Variants in SPOCK1 observed in about 807,000 individuals in gnomAD.
The protein encoded by SPOCK1 is testican-1.
Under a neutral mutation model 55.3 loss-of-function variants are expected in SPOCK1, and 23 were observed. The observed-to-expected ratio is 0.42, with a 90% CI of 0.30 to 0.59. The LOEUF (loss-of-function observed/expected upper bound fraction) is 0.59. Among genes scored for constraint, SPOCK1 ranks in the 20% least tolerant of loss-of-function variants. SPOCK1 has a pLI of 0.22. For missense variants in SPOCK1, 499 were observed against 552.5 expected (o/e 0.90, Z 0.97); for synonymous variants, 226 against 221.0 (o/e 1.02, Z -0.20).
intron 3 of SPOCK1, among the ~76,000 whole-genome samples, chr5:137,182,041 C>T (rs938481422): frequency 1.3e-5 from 2 of 152,180 alleles, no homozygotes; most frequent in African/African-American, 4.8e-5. Context: ...AGCAGATCCC[C>T]AGGTTGATCA....
At chr5:137,195,592 C>G (rs116277329) in intron 3 of SPOCK1, among the ~76,000 whole-genome samples, 126 of 152,310 alleles carry the variant, frequency 8.3e-4, no homozygotes, top group African/African-American at 2.9e-3. Context: ...TATTTGGCCA[C>G]AGGCTACAGT....
intron 4 of SPOCK1, among the ~76,000 whole-genome samples, chr5:137,129,542 T>C (rs1015272189): frequency 6.6e-6 from 1 of 151,966 alleles, no homozygotes; most frequent in African/African-American, 2.4e-5. Flanking sequence ...GTGCCACTGA[T>C]TGGTGGGGGA....
At chr5:137,351,492 G>A (rs899618045) in intron 2 of SPOCK1, among the ~76,000 whole-genome samples, 1 of 152,142 alleles carries the variant, frequency 6.6e-6, no homozygotes, top group African/African-American at 2.4e-5. Flanking sequence ...GACAAGGAGG[G>A]GAATGGAAGG....
At chr5:137,217,539 T>C (rs1368151712) in intron 3 of SPOCK1, among the ~76,000 whole-genome samples, 1 of 152,230 alleles carries the variant, frequency 6.6e-6, no homozygotes, top group Non-Finnish European at 1.5e-5. Flanking sequence ...TCTTCAGGGA[T>C]GGGATGTAAC....
At chr5:137,405,095 G>A (rs772227059) in intron 2 of SPOCK1, among the ~76,000 whole-genome samples, 13 of 152,190 alleles carry the variant, frequency 8.5e-5, no homozygotes, top group Non-Finnish European at 1.3e-4. Context: ...GTCACCTATA[G>A]CGCCAGAAAA....
intron 3 of SPOCK1, among the ~76,000 whole-genome samples, chr5:137,216,047 G>A (rs979666): frequency 0.17 from 25,982 of 152,132 alleles, 2,863 homozygotes; most frequent in Admixed American, 0.24. Context: ...TCCAATGAAA[G>A]GATGGCTCAT....
At chr5:137,374,619 CCAGGGAGTGCTAGGG>C (rs1272988510) in intron 2 of SPOCK1, among the ~76,000 whole-genome samples, 1 of 152,044 alleles carries the variant, frequency 6.6e-6, no homozygotes, top group Non-Finnish European at 1.5e-5. Context: ...TGATGGTGCC[CCAGGGAGTGCTAGGG>C]CTCTGCAGAA....
At chr5:137,375,451 C>G (rs1163002924) in intron 2 of SPOCK1, among the ~76,000 whole-genome samples, 1 of 152,068 alleles carries the variant, frequency 6.6e-6, no homozygotes, top group African/African-American at 2.4e-5. Flanking sequence ...CACTAGAGGG[C>G]CTTTGGAAGT....
chr5:137,248,320 T>A (rs1756438133), intron 3 of SPOCK1, among the ~76,000 whole-genome samples: 1 of 152,206 alleles, frequency 6.6e-6, no homozygotes, highest in African/African-American at 2.4e-5. Context: ...ATGTATCAAA[T>A]TCATTCATTG....
intron 2 of SPOCK1, among the ~76,000 whole-genome samples, chr5:137,337,855 A>G (rs1460548928): frequency 6.6e-6 from 1 of 152,160 alleles, no homozygotes; most frequent in Non-Finnish European, 1.5e-5. Flanking sequence ...TGTCCACAGG[A>G]GTGGGAGAGT....
At chr5:137,069,267 C>T (rs1390187185) in intron 5 of SPOCK1, among the ~76,000 whole-genome samples, 2 of 152,182 alleles carry the variant, frequency 1.3e-5, no homozygotes, top group Non-Finnish European at 2.9e-5. Context: ...ATACAGTCAC[C>T]GGCTGCCCAT....
intron 6 of SPOCK1, among the ~76,000 whole-genome samples, chr5:137,026,356 T>C (rs1484793309): frequency 6.6e-6 from 1 of 152,104 alleles, no homozygotes; most frequent in Admixed American, 6.5e-5. Flanking sequence ...TTTAAGTCAG[T>C]AGACTGAGTA....
At position 137,433,577 on chromosome 5, in the gene SPOCK1, A is replaced by G. The variant is rs536255739; in HGVS notation, c.186+64796T>C. Among the ~76,000 whole-genome samples the G allele has an allele frequency of 9.9e-5, 15 of 152,250 alleles. No individual in the cohort carries two copies. In the South Asian group the frequency reaches 2.3e-3, roughly 23 times the overall value. ...CCAAAACCACCTCTTTCATGTCACT[A>G]TTGTCTAGGCTACTTCCCAAGAGAT... On this transcript the variant is annotated intron_variant, in intron 2 of 10. Coordinates refer to ENST00000394945, the MANE Select transcript of SPOCK1 (RefSeq NM_004598.4).
At chr5:137,489,004 C>T (rs1159648990) in intron 2 of SPOCK1, among the ~76,000 whole-genome samples, 1 of 152,164 alleles carries the variant, frequency 6.6e-6, no homozygotes, top group African/African-American at 2.4e-5. Flanking sequence ...AGAAAAGCTA[C>T]CAAATCAAAT....
At chr5:137,271,705 G>A (rs1756967800) in intron 2 of SPOCK1, among the ~76,000 whole-genome samples, 2 of 152,118 alleles carry the variant, frequency 1.3e-5, no homozygotes, top group Admixed American at 6.5e-5. Context: ...AATCTCCAAG[G>A]AATGTCAAAG....
chr5:137,296,050 G>A (rs779294810), intron 2 of SPOCK1, among the ~76,000 whole-genome samples: 25 of 152,238 alleles, frequency 1.6e-4, no homozygotes, highest in African/African-American at 5.8e-4. Context: ...TGGGATTAGT[G>A]CCCTCATAAA....
intron 2 of SPOCK1, among the ~76,000 whole-genome samples, chr5:137,287,879 G>A (rs1039106126): frequency 6.6e-6 from 1 of 152,126 alleles, no homozygotes; most frequent in Non-Finnish European, 1.5e-5. Context: ...AGCAATGGGC[G>A]GGTAGAAGTC....
intron 3 of SPOCK1, among the ~76,000 whole-genome samples, chr5:137,150,880 G>C (rs1754306268): frequency 6.6e-6 from 1 of 152,162 alleles, no homozygotes; most frequent in Admixed American, 6.5e-5. Flanking sequence ...CAGTATGGCA[G>C]CCTATGGAAC....
intron 4 of SPOCK1, among the ~76,000 whole-genome samples, chr5:137,137,611 A>G (rs571585034): frequency 2.1e-4 from 32 of 152,302 alleles, no homozygotes; most frequent in African/African-American, 7.5e-4. Flanking sequence ...GGCTTTTTCC[A>G]TTGAACCAGT....
Sources: gnomAD v4.1 joint callset for allele counts (sites outside exome capture counted in the v4.1 genomes callset) on GRCh38, gnomAD v4.1.1 for gene constraint, MANE v1.5 for transcripts, NCBI Gene and HGNC (gene_info 2026-07-23, HGNC 2026-07-21) for gene names.